The following DIAPH2 variants were observed in gnomAD, a reference collection of about 807,000 sequenced individuals.
DIAPH2 encodes diaphanous related formin 2, also known as protein diaphanous homolog 2.
A neutral mutation model predicts 92.7 loss-of-function variants in DIAPH2; 35 were observed. That is an observed-to-expected ratio of 0.38 (90% CI 0.29 to 0.50). The LOEUF (loss-of-function observed/expected upper bound fraction) is 0.50, where lower values mean the gene tolerates loss of function less well. Among genes scored for constraint, DIAPH2 ranks in the 20% least tolerant of loss-of-function variants. The pLI, the probability that DIAPH2 is intolerant of heterozygous loss-of-function variation, is 0.94. For synonymous variants in DIAPH2, 301 were observed against 280.4 expected (o/e 1.07, Z -0.73); for missense variants, 701 against 819.5 (o/e 0.86, Z 1.77).
intron 1 of DIAPH2, among the ~76,000 whole-genome samples, chrX:96,699,894 T>C (rs1019468080): frequency 8.9e-6 from 1 of 112,742 alleles, no homozygotes; most frequent in African/African-American, 3.2e-5. Context: ...CTAAGGAAAA[T>C]ATTCATTTTC....
chrX:96,885,949 GTT>G (rs1569420623), intron 5 of DIAPH2, among the ~76,000 whole-genome samples: 1 of 111,662 alleles, frequency 9.0e-6, no homozygotes, highest in Non-Finnish European at 1.9e-5. Context: ...AACTTACTGA[GTT>G]TAACACAAAT....
At chrX:97,102,771 C>T (rs1569301694) in intron 20 of DIAPH2, among the ~76,000 whole-genome samples, 1 of 111,512 alleles carries the variant, frequency 9.0e-6, no homozygotes, top group Non-Finnish European at 1.9e-5. Flanking sequence ...GAAACTCCAT[C>T]TCTACTAAAA....
intron 16 of DIAPH2, among the ~76,000 whole-genome samples, chrX:96,963,406 T>TA (rs1453044976): frequency 1.8e-5 from 2 of 110,431 alleles, no homozygotes; most frequent in Non-Finnish European, 3.8e-5. Context: ...CTCAATCTGT[T>TA]ACCATACTGC....
intron 26 of DIAPH2, among the ~76,000 whole-genome samples, chrX:97,447,767 G>A (rs1243087423): frequency 8.9e-6 from 1 of 111,817 alleles, no homozygotes; most frequent in Non-Finnish European, 1.9e-5. Context: ...GGACTACAAT[G>A]TGGCCAAATG....
At chrX:96,692,169 A>G (rs1185155608) in intron 1 of DIAPH2, among the ~76,000 whole-genome samples, 3 of 112,091 alleles carry the variant, frequency 2.7e-5, no homozygotes, top group Admixed American at 9.5e-5. Context: ...GAATAGTACA[A>G]TGAACCACCA....
chrX:97,218,003 A>G (rs1020235480), intron 22 of DIAPH2, among the ~76,000 whole-genome samples: 8 of 111,895 alleles, frequency 7.1e-5, no homozygotes, highest in African/African-American at 2.6e-4. Context: ...AGAAATTTAG[A>G]ATTTCTTAAA....
At chrX:96,737,561 G>T (rs757813508) in intron 2 of DIAPH2, among the ~76,000 whole-genome samples, 4 of 111,380 alleles carry the variant, frequency 3.6e-5, no homozygotes, top group Non-Finnish European at 7.5e-5. Flanking sequence ...TAATAAAACT[G>T]AGTTGCATTC....
chrX:96,909,405 A>G (rs1280673183), intron 5 of DIAPH2, among the ~76,000 whole-genome samples: 1 of 110,788 alleles, frequency 9.0e-6, no homozygotes, highest in Admixed American at 9.6e-5. Flanking sequence ...TGGAGGAGAA[A>G]GAGAGAAAGA....
intron 22 of DIAPH2, among the ~76,000 whole-genome samples, chrX:97,212,590 G>GTTTTTTTTTTTTTT (rs57173350): frequency 1.5e-5 from 1 of 67,842 alleles, no homozygotes; most frequent in Non-Finnish European, 2.8e-5. Flanking sequence ...AGGGTTTTTT[G>GTTTTTTTTTTTTTT]TTTTTTTTTT....
intron 26 of DIAPH2, among the ~76,000 whole-genome samples, chrX:97,466,563 G>A (rs1256391860): frequency 1.8e-5 from 2 of 111,607 alleles, no homozygotes; most frequent in Non-Finnish European, 3.8e-5. Context: ...GCTCACATAG[G>A]AAAAAATTGG....
intron 5 of DIAPH2, among the ~76,000 whole-genome samples, chrX:96,888,582 TATATATATACA>T (rs1188740537): frequency 1.1e-5 from 1 of 92,079 alleles, no homozygotes; most frequent in African/African-American, 4.6e-5. Context: ...TATATATATC[TATATATATACA>T]GATATATATA....
At chrX:97,087,613 T>C (rs1451866133) in intron 19 of DIAPH2, among the ~76,000 whole-genome samples, 1 of 111,744 alleles carries the variant, frequency 8.9e-6, no homozygotes, top group Non-Finnish European at 1.9e-5. Flanking sequence ...AGGGGGGAAA[T>C]GTATACTTAT....
chrX:97,097,497 G>A (rs946164466), intron 19 of DIAPH2, among the ~76,000 whole-genome samples: 6 of 111,575 alleles, frequency 5.4e-5, no homozygotes, highest in African/African-American at 9.8e-5. Flanking sequence ...CCACTGTGGC[G>A]CCTTCATTCT....
At chrX:97,354,032 C>T (rs1008080093) in intron 24 of DIAPH2, among the ~76,000 whole-genome samples, 15 of 110,593 alleles carry the variant, frequency 1.4e-4, no homozygotes, top group Non-Finnish European at 2.5e-4. Flanking sequence ...CCAGGCTTAT[C>T]TTGTTTTCCT....
chrX:96,966,313 G>C (rs1454358142), intron 17 of DIAPH2, among the ~76,000 whole-genome samples: 2 of 111,702 alleles, frequency 1.8e-5, no homozygotes, highest in African/African-American at 6.5e-5. Context: ...TGATTCAAGT[G>C]ATTGCCATTT....
intron 22 of DIAPH2, among the ~76,000 whole-genome samples, chrX:97,194,083 C>T (rs1294534070): frequency 9.0e-6 from 1 of 111,044 alleles, no homozygotes; most frequent in Non-Finnish European, 1.9e-5. Flanking sequence ...GTGCCCAAAA[C>T]AGCAGAACTA....
At chrX:97,045,409 A>G (rs896018719) in intron 17 of DIAPH2, among the ~76,000 whole-genome samples, 2 of 111,827 alleles carry the variant, frequency 1.8e-5, no homozygotes, top group African/African-American at 6.5e-5. Context: ...GATTAGTTAT[A>G]GCTAGAGGTA....
chrX:97,560,704 G>A (rs764551215), intron 26 of DIAPH2, among the ~76,000 whole-genome samples: 1 of 112,218 alleles, frequency 8.9e-6, no homozygotes, highest in African/African-American at 3.2e-5. Flanking sequence ...TGTTGGCCAG[G>A]CTGGTCTTCA....
chrX:97,540,439 T>C (rs750462503), intron 26 of DIAPH2, among the ~76,000 whole-genome samples: 4 of 112,234 alleles, frequency 3.6e-5, no homozygotes, highest in Non-Finnish European at 7.5e-5. Context: ...ATATCATTTA[T>C]CCTTGTGGAA....
Sources: allele counts gnomAD v4.1 joint callset (sites outside exome capture counted in the v4.1 genomes callset), GRCh38; gene constraint gnomAD v4.1.1; transcripts MANE v1.5; gene names NCBI Gene and HGNC (gene_info 2026-07-23, HGNC 2026-07-21).